The following MX1 variants were observed in gnomAD, a reference collection of about 807,000 sequenced individuals.
MX1 encodes interferon-induced GTP-binding protein Mx1.
A neutral mutation model predicts 66.4 loss-of-function variants in MX1; 66 were observed. That is an observed-to-expected ratio of 0.99 (90% CI 0.82 to 1.22). The LOEUF is 1.22. Ranked by LOEUF, MX1 falls within the 50% of genes most tolerant of loss-of-function variation. The pLI is 0.00. For synonymous variants in MX1, 311 were observed against 318.1 expected (o/e 0.98, Z 0.24); for missense variants, 787 against 834.3 (o/e 0.94, Z 0.70).
At chr21:41,445,623 A>C in intron 12 of MX1, 53 bp downstream of exon 12, 1 of 1,609,960 alleles carries the variant, frequency 6.2e-7, no homozygotes, top group African/African-American at 1.3e-5. Context: ...TGGTCAAAAA[A>C]GGGACCCTGG....
chr21:41,433,689 A>T (rs556753162), intron 5 of MX1, among the ~76,000 whole-genome samples: 1 of 152,350 alleles, frequency 6.6e-6, no homozygotes, highest in South Asian at 2.1e-4. Flanking sequence ...AAGCCTCAGG[A>T]TAGAGGGACC....
intron 7 of MX1, among the ~76,000 whole-genome samples, 162 bp downstream of exon 7, chr21:41,437,314 A>T (rs1178229295): frequency 6.6e-6 from 1 of 152,130 alleles, no homozygotes; most frequent in Non-Finnish European, 1.5e-5. Context: ...CATTATGACC[A>T]GCACGCTTGG....
upstream of MX1, among the ~76,000 whole-genome samples, chr21:41,421,671 A>G (rs2089995455): frequency 6.6e-6 from 1 of 152,212 alleles, no homozygotes; most frequent in Non-Finnish European, 1.5e-5. Flanking sequence ...CCCTGAGTGG[A>G]CACAGCACAT....
At chr21:41,443,713 T>C in intron 10 of MX1, 75 bp from the exon 11 acceptor site, 2 of 1,457,832 alleles carry the variant, frequency 1.4e-6, no homozygotes, top group Non-Finnish European at 1.9e-6. Flanking sequence ...GCCTTGACTT[T>C]CCCCAACAGC....
intron 4 of MX1, among the ~76,000 whole-genome samples, chr21:41,431,092 G>C (rs910412264): frequency 6.6e-6 from 1 of 152,008 alleles, no homozygotes; most frequent in Non-Finnish European, 1.5e-5. Flanking sequence ...GTGCGATCTC[G>C]GCTCACTGCA....
chr21:41,421,536 G>A (rs1393992820), upstream of MX1, among the ~76,000 whole-genome samples: 1 of 152,226 alleles, frequency 6.6e-6, no homozygotes, highest in Non-Finnish European at 1.5e-5. Flanking sequence ...GGTCCCTGCG[G>A]CCTTCCGCAG....
At chr21:41,420,642 G>C (rs1034423998) in exon 1 of MX1, 6 of 152,344 alleles carry the variant, frequency 3.9e-5, no homozygotes, top group Non-Finnish European at 7.3e-5. Context: ...CCCAGTGCAG[G>C]ATCCTGAGGC....
intron 13 of MX1, among the ~76,000 whole-genome samples, chr21:41,447,028 CTG>C (rs2090682236): frequency 6.6e-6 from 1 of 152,190 alleles, no homozygotes; most frequent in Admixed American, 6.5e-5. Context: ...TGGCTTGTGT[CTG>C]TGTGTAGCGG....
chr21:41,451,111 TAAG>T (rs1398756630), intron 14 of MX1, 53 bp from the exon 15 acceptor site: 3 of 1,229,102 alleles, frequency 2.4e-6, no homozygotes, highest in African/African-American at 3.0e-5. Context: ...TTTTGCATCT[TAAG>T]AAGAGAACAA....
intron 6 of MX1, 97 bp downstream of exon 6, chr21:41,436,126 T>A: frequency 7.1e-7 from 1 of 1,417,396 alleles, no homozygotes; most frequent in East Asian, 2.4e-5. Flanking sequence ...TTCTCACAGT[T>A]CTGGAGACTG....
chr21:41,443,959 G>A, intron 11 of MX1, 93 bp downstream of exon 11: 1 of 1,160,432 alleles, frequency 8.6e-7, no homozygotes, highest in Admixed American at 1.9e-5. Context: ...TGTACACACA[G>A]ATCTTCTGAG....
intron 7 of MX1, among the ~76,000 whole-genome samples, chr21:41,439,007 A>T (rs2090435633): frequency 6.6e-6 from 1 of 152,058 alleles, no homozygotes; most frequent in Admixed American, 6.6e-5. Flanking sequence ...ACATTTTCAC[A>T]TGGCCCATTG....
chr21:41,434,230 A>C (rs1807464701), intron 5 of MX1, among the ~76,000 whole-genome samples: 1 of 152,258 alleles, frequency 6.6e-6, no homozygotes, highest in Non-Finnish European at 1.5e-5. Flanking sequence ...AACCTCAATC[A>C]GCCCACTTTA....
intron 6 of MX1, among the ~76,000 whole-genome samples, chr21:41,436,292 T>G (rs1286262957): frequency 6.6e-6 from 1 of 152,234 alleles, no homozygotes; most frequent in Non-Finnish European, 1.5e-5. Flanking sequence ...CATATTGGAT[T>G]GGGGCCTACC....
In MX1 at chr21:41,437,114, T is replaced by C. The variant is rs1368380376; in HGVS notation, c.398T>C (p.Ile133Thr). The change falls in exon 7 of 17, where the codon ATT (isoleucine) becomes ACT (threonine). Residue 133 changes from isoleucine (I) to threonine (T), a missense_variant. Transcript: ENST00000398598. ...AGTTACCAGGACTACGAGATTGAGA[T>C]TTCGGATGCTTCAGAGGTAGAAAAG... ...KVSYQDYEIE[I>T]SDASEVEKEI... 1 of 1,613,934 alleles carries C rather than the reference T, an allele frequency of 6.2e-7. No homozygotes were observed.
At chr21:41,422,734 A>G (rs2090006118), upstream of MX1, 1 of 152,244 alleles carries the variant, frequency 6.6e-6, no homozygotes, top group African/African-American at 2.4e-5. Context: ...TCTTAAGTAC[A>G]GAAGCTGCCT....
intron 16 of MX1, among the ~76,000 whole-genome samples, chr21:41,456,968 G>C (rs1045801232): frequency 6.6e-6 from 1 of 152,132 alleles, no homozygotes; most frequent in African/African-American, 2.4e-5. Context: ...CACCATATTG[G>C]CCAGGCTGGT....
At chr21:41,440,729 A>T (rs1239635285) in intron 8 of MX1, among the ~76,000 whole-genome samples, 158 bp from the exon 9 acceptor site, 1 of 152,124 alleles carries the variant, frequency 6.6e-6, no homozygotes, top group Admixed American at 6.5e-5. Context: ...TGGTACCTCC[A>T]GGGTTGTGTT....
chr21:41,450,092 AT>A (rs1234359764), intron 14 of MX1, among the ~76,000 whole-genome samples: 5 of 152,190 alleles, frequency 3.3e-5, no homozygotes, highest in African/African-American at 9.7e-5. Context: ...TATTTTTCCT[AT>A]CACACCACAC....
Sources: allele counts gnomAD v4.1 joint callset (sites outside exome capture counted in the v4.1 genomes callset), GRCh38; gene constraint gnomAD v4.1.1; transcripts MANE v1.5; gene names NCBI Gene and HGNC (gene_info 2026-07-23, HGNC 2026-07-21).